The following TSHZ2 variants were observed in gnomAD, a reference collection of about 807,000 sequenced individuals.
TSHZ2 encodes the protein teashirt zinc finger homeobox 2.
Under a neutral mutation model 74.4 loss-of-function variants are expected in TSHZ2, and 21 were observed. The ratio of observed to expected loss-of-function variants is 0.28; its 90% CI spans 0.20 to 0.41. TSHZ2 has a LOEUF of 0.41. Ranked by LOEUF, TSHZ2 falls within the 10% of genes least tolerant of loss-of-function variation. TSHZ2 has a pLI of 1.00. For missense variants in TSHZ2, 1,244 were observed against 1,293.5 expected, an observed-to-expected ratio of 0.96 and a Z score of 0.59; for synonymous variants, 540 against 515.3, an observed-to-expected ratio of 1.05 and a Z score of -0.65.
chr20:53,239,896 C>T (rs1170979570), intron 1 of TSHZ2, among the ~76,000 whole-genome samples: 3 of 151,988 alleles, frequency 2.0e-5, no homozygotes, highest in Non-Finnish European at 2.9e-5. Flanking sequence ...TGTAAAGTAA[C>T]GGCTATACAA....
chr20:53,365,844 C>T lies in TSHZ2; in HGVS notation c.*8+109273C>T, dbSNP rs550098740. 9.9e-4 allele frequency among the ~76,000 whole-genome samples: 151 copies of T among 152,354 alleles called. 1 individual carries two copies. The highest frequency in any genetic ancestry group is 3.5e-3 in the African/African-American group (146 of 41,580). On this transcript the variant is annotated intron_variant, in intron 2 of 2. Coordinates refer to ENST00000371497, the MANE Select transcript of TSHZ2 (RefSeq NM_173485.6). The stretch of plus-strand genomic sequence containing the variant: ...GGGAATCCACTTCCTTCTCCACTGA[C>T]TCAAATCCCTGCTAGTCTGATGGTC...
intron 1 of TSHZ2, among the ~76,000 whole-genome samples, chr20:53,251,590 C>T (rs1381672762): frequency 1.3e-5 from 2 of 152,034 alleles, no homozygotes; most frequent in South Asian, 4.1e-4. Context: ...AGCTAGAGAC[C>T]AGTAACGCCA....
chr20:53,298,301 A>T lies in TSHZ2; in HGVS notation c.*8+41730A>T, dbSNP rs1365390911. 2.0e-5 allele frequency among the ~76,000 whole-genome samples: 3 copies of T among 152,208 alleles called. 1 individual carries two copies. In the South Asian group the frequency reaches 6.2e-4, roughly 32 times the overall value. The stretch of plus-strand genomic sequence containing the variant: ...AGAACAAACACGTAAACAAAAATAA[A>T]CACAAAATAATTTCTAACGCAGTGT... On this transcript the variant is annotated intron_variant, in intron 2 of 2. Transcript: ENST00000371497.
intron 2 of TSHZ2, among the ~76,000 whole-genome samples, chr20:53,317,109 A>G (rs1480620654): frequency 1.3e-5 from 2 of 152,198 alleles, no homozygotes; most frequent in African/African-American, 2.4e-5. Context: ...TCCAAGGAAA[A>G]GGCCACCAAT....
chr20:53,303,850 G>A (rs1344610795), intron 2 of TSHZ2, among the ~76,000 whole-genome samples: 3 of 152,134 alleles, frequency 2.0e-5, no homozygotes, highest in Non-Finnish European at 4.4e-5. Flanking sequence ...GGCTCACCAT[G>A]TTGTAAGTAC....
chr20:53,181,394 T>A (rs2123510829), intron 1 of TSHZ2, among the ~76,000 whole-genome samples: 1 of 152,340 alleles, frequency 6.6e-6, no homozygotes, highest in Non-Finnish European at 1.5e-5. Context: ...AACAACAGAC[T>A]GGAAGACAGT....
chr20:53,488,921 C>T lies in TSHZ2; in HGVS notation c.*1786C>T, dbSNP rs1221901256. On this transcript the variant is annotated 3_prime_UTR_variant, in exon 3 of 3. Transcript: ENST00000371497. ...TAATAGCAAATTGCTTTTTTTATGG[C>T]ATGCATAACCTAGATGGGAAAAAAT... 1 of 443,790 alleles carries T rather than the reference C, an allele frequency of 2.3e-6. No homozygotes were observed. Among genetic ancestry groups the T allele is most frequent in the Non-Finnish European group, 4.5e-6 (1 of 219,832 alleles). 27.5% of individuals were successfully genotyped at this position (443,790 alleles called of 1,614,324 possible).
At chr20:53,343,062 G>C (rs1405811462) in intron 2 of TSHZ2, among the ~76,000 whole-genome samples, 5 of 145,192 alleles carry the variant, frequency 3.4e-5, no homozygotes, top group Non-Finnish European at 6.0e-5. Context: ...CGCCTCCCGG[G>C]TTCAAGCGAT....
At chr20:53,243,927 T>C (rs144706955) in intron 1 of TSHZ2, among the ~76,000 whole-genome samples, 111 of 152,064 alleles carry the variant, frequency 7.3e-4, no homozygotes, top group African/African-American at 2.6e-3. Context: ...GCTAATGCAG[T>C]TAGACATTTT....
At position 53,153,496 on chromosome 20, in the gene TSHZ2, A is replaced by T. The variant is rs1987722944; in HGVS notation, c.41-100003A>T. Reference sequence around the variant, plus strand: ...ACTTGGTAACTTAAACAAAAAGGAAATTCCTTGCAGGGTTACCAGTAACTC... The same window carrying T: ...ACTTGGTAACTTAAACAAAAAGGAATTTCCTTGCAGGGTTACCAGTAACTC... On this transcript the variant is annotated intron_variant, in intron 1 of 2. Transcript: ENST00000371497. Among the ~76,000 whole-genome samples, 8 of 152,310 alleles carry T rather than the reference A, an allele frequency of 5.3e-5. No individual in the cohort carries two copies. The South Asian group carries it at 1.7e-3, about 32-fold the overall frequency.
intron 2 of TSHZ2, among the ~76,000 whole-genome samples, chr20:53,465,853 G>C (rs1017557170): frequency 1.3e-5 from 2 of 151,866 alleles, no homozygotes; most frequent in African/African-American, 4.8e-5. Context: ...TTCTTAGGAA[G>C]AGGGTTTGGC....
At chr20:53,478,887 T>G in intron 2 of TSHZ2, among the ~76,000 whole-genome samples, 1 of 151,884 alleles carries the variant, frequency 6.6e-6, no homozygotes, top group Non-Finnish European at 1.5e-5. Context: ...GAAAGGGGCC[T>G]GGCACAGTGA....
Position 53,256,117 on chromosome 20 carries a change from A to G in TSHZ2, c.2659A>G (p.Lys887Glu), listed in dbSNP as rs1426397734. The change falls in exon 2 of 3, where the codon AAG (lysine) becomes GAG (glutamate). Residue 887 changes from lysine (K) to glutamate (E), a missense_variant. Physicochemically the swap from Lys to Glu is moderately conservative, Grantham distance 56. Coordinates refer to ENST00000371497, the MANE Select transcript of TSHZ2 (RefSeq NM_173485.6). This position sits in a 1 kb window ranked among gnomAD's most constrained non-coding sequence, Gnocchi z 4.3. Reference sequence around the variant, plus strand: ...CCCACAAGAGCGTATGCAAATCTCTAAGTTTACGGGACTCTCAATGACCAC... The same window carrying G: ...CCCACAAGAGCGTATGCAAATCTCTGAGTTTACGGGACTCTCAATGACCAC... Reference protein sequence around the residue: ...LGPQERMQISKFTGLSMTTIS... With the variant: ...LGPQERMQISEFTGLSMTTIS... 1 of 1,614,086 alleles carries G rather than the reference A, an allele frequency of 6.2e-7. No individual in the cohort carries two copies. Among genetic ancestry groups the G allele is most frequent in the South Asian group, 1.1e-5 (1 of 91,070 alleles).
rs575483479 is a variant in TSHZ2 at position 53,104,533 on chromosome 20, T to C, written c.40+131200T>C. Among the ~76,000 whole-genome samples, 4 of 152,300 alleles carry C rather than the reference T, an allele frequency of 2.6e-5. No individual in the cohort carries two copies. The South Asian group carries it at 8.3e-4, about 32-fold the overall frequency. ...TCTGATTAATATTTACCAAAGTCTTTGTGTGTTTTTTCCTTAAATGTTAAT... is the reference window on the plus strand; with the variant it reads ...TCTGATTAATATTTACCAAAGTCTTCGTGTGTTTTTTCCTTAAATGTTAAT... On this transcript the variant is annotated intron_variant, in intron 1 of 2. Coordinates refer to ENST00000371497, the MANE Select transcript of TSHZ2 (RefSeq NM_173485.6).
chr20:53,465,764 TA>T (rs1985538165), intron 2 of TSHZ2, among the ~76,000 whole-genome samples: 1 of 151,922 alleles, frequency 6.6e-6, no homozygotes. Context: ...AACAATTAAA[TA>T]AAACAATAGC....
At chr20:53,110,733 T>TTAAAA (rs71194459) in intron 1 of TSHZ2, among the ~76,000 whole-genome samples, 57 of 151,194 alleles carry the variant, frequency 3.8e-4, no homozygotes, top group South Asian at 1.5e-3. Context: ...GCAGATAACA[T>TTAAAA]TAAAATAAAA....
chr20:53,206,300 T>A (rs185725372), intron 1 of TSHZ2, among the ~76,000 whole-genome samples: 1 of 152,080 alleles, frequency 6.6e-6, no homozygotes, highest in East Asian at 1.9e-4. Context: ...TTAAAAGAGG[T>A]TAGGGTCTAA....
chr20:53,102,886 ATAC>A (rs201274209), intron 1 of TSHZ2, among the ~76,000 whole-genome samples: 17,528 of 149,374 alleles, frequency 0.12, 1,011 homozygotes, highest in African/African-American at 0.14. Context: ...TTTTTTTATT[ATAC>A]TTTAAGTTTT....
At chr20:53,117,207 G>A (rs1382395247) in intron 1 of TSHZ2, among the ~76,000 whole-genome samples, 1 of 152,072 alleles carries the variant, frequency 6.6e-6, no homozygotes. Context: ...AATTTTAAGG[G>A]GAACAAGCAT....
Sources: allele counts gnomAD v4.1 joint callset (sites outside exome capture counted in the v4.1 genomes callset), GRCh38; gene constraint gnomAD v4.1.1; non-coding constraint Gnocchi (gnomAD v3.1); transcripts MANE v1.5; gene names NCBI Gene and HGNC (gene_info 2026-07-23, HGNC 2026-07-21).